The following ARHGAP17 variants were observed in gnomAD, a reference collection of about 807,000 sequenced individuals.
ARHGAP17 encodes rho GTPase-activating protein 17.
Under a neutral mutation model 99.5 loss-of-function variants are expected in ARHGAP17, and 57 were observed. The observed-to-expected ratio is 0.57, with a 90% CI of 0.46 to 0.71. ARHGAP17 has a LOEUF of 0.71. Among genes scored for constraint, ARHGAP17 ranks in the 30% least tolerant of loss-of-function variants. ARHGAP17 has a pLI of 0.00. For synonymous variants in ARHGAP17, 417 were observed against 429.6 expected (o/e 0.97, Z 0.36); for missense variants, 1,000 against 1,122.4 (o/e 0.89, Z 1.56).
chr16:24,997,199 C>T (rs1399420921), intron 1 of ARHGAP17, among the ~76,000 whole-genome samples: 1 of 151,864 alleles, frequency 6.6e-6, no homozygotes, highest in Non-Finnish European at 1.5e-5. Flanking sequence ...TGGACTGGTG[C>T]AAGGTGCCCA....
intron 7 of ARHGAP17, among the ~76,000 whole-genome samples, chr16:24,963,308 T>G (rs1352701923): frequency 6.6e-6 from 1 of 152,224 alleles, no homozygotes; most frequent in Non-Finnish European, 1.5e-5. Context: ...CTATATTATT[T>G]TTATATTTTT....
chr16:24,933,175 C>T (rs1045679370), intron 18 of ARHGAP17, among the ~76,000 whole-genome samples: 7 of 151,712 alleles, frequency 4.6e-5, no homozygotes, highest in Non-Finnish European at 1.0e-4. Context: ...CCCTATTCCC[C>T]GGCTGCCTGT....
At chr16:24,981,589 CTG>C (rs1366377981) in intron 1 of ARHGAP17, among the ~76,000 whole-genome samples, 1 of 152,102 alleles carries the variant, frequency 6.6e-6, no homozygotes, top group African/African-American at 2.4e-5. Flanking sequence ...TCACAATAAA[CTG>C]TTAATATTTC....
At chr16:24,927,755 T>A (rs1338099900) in intron 19 of ARHGAP17, 2 of 1,038,240 alleles carry the variant, frequency 1.9e-6, no homozygotes, top group Admixed American at 5.9e-5. Context: ...ATAAAATGTT[T>A]AAATTAGAAT....
intron 19 of ARHGAP17, 34 bp downstream of exon 19, chr16:24,930,750 G>A: frequency 6.2e-7 from 1 of 1,614,218 alleles, no homozygotes; most frequent in Non-Finnish European, 8.5e-7. Context: ...ATGTAGAGCA[G>A]ACGAGGAAAT....
intron 6 of ARHGAP17, among the ~76,000 whole-genome samples, chr16:24,965,290 G>A (rs1409917519): frequency 1.3e-5 from 2 of 152,168 alleles, no homozygotes; most frequent in African/African-American, 4.8e-5. Flanking sequence ...CTAACACGGT[G>A]AAACCCCATC....
At chr16:25,007,820 T>G (rs1163007025) in intron 1 of ARHGAP17, among the ~76,000 whole-genome samples, 2 of 152,196 alleles carry the variant, frequency 1.3e-5, no homozygotes, top group Non-Finnish European at 2.9e-5. Flanking sequence ...AAACTTCACA[T>G]GAAAATCAGC....
At chr16:24,984,448 C>T (rs1223982364) in intron 1 of ARHGAP17, among the ~76,000 whole-genome samples, 3 of 151,966 alleles carry the variant, frequency 2.0e-5, no homozygotes, top group African/African-American at 4.8e-5. Flanking sequence ...AGGCGGATCA[C>T]GAGGTCAGGA....
At position 24,959,987 on chromosome 16, in the gene ARHGAP17, A is replaced by T; in HGVS notation, c.574-8T>A. 6.2e-7 allele frequency: 1 copy of T among 1,613,798 alleles called. No homozygotes were observed. The highest frequency in any genetic ancestry group is 8.5e-7 in the Non-Finnish European group (1 of 1,179,854). ...GTCTGCTGCAAGTTGATCCTGGGTA[A>T]ATGGAAGATAAGAGGTTATTGAAGA... On this transcript the variant is annotated splice_region_variant and splice_polypyrimidine_tract_variant and intron_variant, in intron 7 of 19. Coordinates refer to ENST00000289968, the MANE Select transcript of ARHGAP17 (RefSeq NM_001006634.3).
At chr16:24,929,579 G>C in intron 19 of ARHGAP17, 1 of 987,486 alleles carries the variant, frequency 1.0e-6, no homozygotes, top group Non-Finnish European at 1.2e-6. Context: ...TGTGGGGCGA[G>C]CTATGGGGCA....
intron 7 of ARHGAP17, 49 bp downstream of exon 7, chr16:24,964,148 C>G: frequency 8.1e-7 from 1 of 1,236,914 alleles, no homozygotes; most frequent in Non-Finnish European, 1.1e-6. Flanking sequence ...AACTTTCATC[C>G]CTCATTTGCA....
chr16:24,949,499 T>G lies in ARHGAP17; in HGVS notation c.1047-15A>C. ...GATCCTGCACACTGAGAACAAAAAC[T>G]TTTAAGTACAACAACTTATTAAGAC... On this transcript the variant is annotated splice_polypyrimidine_tract_variant and intron_variant, in intron 12 of 19. Coordinates refer to ENST00000289968, the MANE Select transcript of ARHGAP17 (RefSeq NM_001006634.3). The G allele has an allele frequency of 6.2e-7, 1 of 1,608,260 alleles. No individual in the cohort carries two copies. Among genetic ancestry groups the G allele is most frequent in the East Asian group, 2.2e-5 (1 of 44,820 alleles).
intron 18 of ARHGAP17, among the ~76,000 whole-genome samples, chr16:24,934,075 C>A (rs1050410570): frequency 1.3e-5 from 2 of 152,262 alleles, no homozygotes; most frequent in African/African-American, 4.8e-5. Context: ...TGCCTCCCTG[C>A]CTATGATTTG....
At chr16:25,003,095 A>T (rs2053412903) in intron 1 of ARHGAP17, among the ~76,000 whole-genome samples, 1 of 151,556 alleles carries the variant, frequency 6.6e-6, no homozygotes, top group Admixed American at 6.6e-5. Context: ...GTAAAATGGA[A>T]ATTAGAGAAA....
chr16:24,996,975 C>T (rs1436071687), intron 1 of ARHGAP17, among the ~76,000 whole-genome samples: 17 of 152,102 alleles, frequency 1.1e-4, no homozygotes, highest in Non-Finnish European at 5.9e-5. Context: ...ACACAAGTTA[C>T]TCAATCTCCC....
chr16:24,981,096 A>T (rs2052662973), intron 1 of ARHGAP17, among the ~76,000 whole-genome samples: 1 of 152,220 alleles, frequency 6.6e-6, no homozygotes, highest in South Asian at 2.1e-4. Flanking sequence ...AATAGCTCAG[A>T]GGTATGCTAG....
chr16:24,994,040 C>A (rs901627167), intron 1 of ARHGAP17, among the ~76,000 whole-genome samples: 6 of 152,110 alleles, frequency 3.9e-5, no homozygotes, highest in African/African-American at 1.4e-4. Flanking sequence ...AATGGTGGCT[C>A]CTCTGGAATT....
chr16:24,934,668 A>AT (rs1341909086), intron 18 of ARHGAP17, among the ~76,000 whole-genome samples: 1 of 150,744 alleles, frequency 6.6e-6, no homozygotes, highest in East Asian at 2.0e-4. Context: ...TGTTGACCAG[A>AT]TTGGTCTCCA....
chr16:24,968,209 TAGG>T (rs2052248867), intron 6 of ARHGAP17, 139 bp downstream of exon 6: 1 of 810,394 alleles, frequency 1.2e-6, no homozygotes, highest in East Asian at 2.6e-5. Context: ...ACAAGGCCTA[TAGG>T]AGGTGCTGGC....
Sources: gnomAD v4.1 joint callset for allele counts (sites outside exome capture counted in the v4.1 genomes callset) on GRCh38, gnomAD v4.1.1 for gene constraint, MANE v1.5 for transcripts, NCBI Gene and HGNC (gene_info 2026-07-23, HGNC 2026-07-21) for gene names.